AFG2A: variants seen among roughly 807,000 people sequenced by gnomAD.
The protein encoded by AFG2A is ATPase family gene 2 protein homolog A.
the AFG2A span, among the ~76,000 whole-genome samples, chr4:122,971,783 T>A: frequency 6.6e-6 from 1 of 152,170 alleles, no homozygotes; most frequent in Non-Finnish European, 1.5e-5. Context: ...ATTGAGATAG[T>A]CATATGAACT....
the AFG2A span, among the ~76,000 whole-genome samples, chr4:123,166,333 G>A: frequency 5.3e-5 from 8 of 152,136 alleles, no homozygotes; most frequent in African/African-American, 9.7e-5. Flanking sequence ...TCTTTCTCTC[G>A]TGCTTTATGC....
chr4:122,942,014 G>A, the AFG2A span, among the ~76,000 whole-genome samples: 1,087 of 152,038 alleles, frequency 7.1e-3, 13 homozygotes, highest in African/African-American at 0.021. Flanking sequence ...GCTTTTTGAT[G>A]TGCTGCTGGA....
chr4:123,102,544 T>G, the AFG2A span, among the ~76,000 whole-genome samples: 116 of 152,140 alleles, frequency 7.6e-4, no homozygotes, highest in Middle Eastern at 3.4e-3. Flanking sequence ...AAAATAATGT[T>G]GAGTTAGAAT....
chr4:122,993,001 T>TG, the AFG2A span, among the ~76,000 whole-genome samples: 1 of 148,892 alleles, frequency 6.7e-6, no homozygotes, highest in Non-Finnish European at 1.5e-5. Context: ...TGTATGTATA[T>TG]TAGAGATGGA....
the AFG2A span, among the ~76,000 whole-genome samples, chr4:123,233,508 A>G: frequency 6.6e-6 from 1 of 152,116 alleles, no homozygotes; most frequent in Admixed American, 6.6e-5. Flanking sequence ...AGGTGGAAGA[A>G]AAGTGGTTAT....
the AFG2A span, among the ~76,000 whole-genome samples, chr4:123,253,505 C>T: frequency 2.0e-5 from 3 of 148,794 alleles, no homozygotes; most frequent in African/African-American, 4.9e-5. Context: ...AAAAAAATAG[C>T]TGGGCATGGT....
the AFG2A span, among the ~76,000 whole-genome samples, chr4:123,141,363 T>C: frequency 3.9e-5 from 6 of 152,152 alleles, no homozygotes; most frequent in Non-Finnish European, 7.4e-5. Flanking sequence ...CTCAGGAGAC[T>C]GAGGCAGAAG....
chr4:122,992,748 G>T, the AFG2A span, among the ~76,000 whole-genome samples: 1 of 150,704 alleles, frequency 6.6e-6, no homozygotes, highest in Non-Finnish European at 1.5e-5. Flanking sequence ...AATTTTAGGA[G>T]ACCACAAGTG....
the AFG2A span, among the ~76,000 whole-genome samples, chr4:123,223,490 A>T: frequency 6.6e-6 from 1 of 152,236 alleles, no homozygotes; most frequent in Admixed American, 6.5e-5. Flanking sequence ...TATCCAGGAA[A>T]CATGGCTGGG....
chr4:122,961,088 G>T, the AFG2A span, among the ~76,000 whole-genome samples: 1 of 151,958 alleles, frequency 6.6e-6, no homozygotes, highest in African/African-American at 2.4e-5. Context: ...CAACCTCTTG[G>T]GTTTTATATC....
the AFG2A span, among the ~76,000 whole-genome samples, chr4:123,240,307 C>T: frequency 6.6e-6 from 1 of 152,156 alleles, no homozygotes; most frequent in Non-Finnish European, 1.5e-5. Flanking sequence ...AACTCTCCAC[C>T]CCAAATCAAC....
chr4:123,156,096 A>T, the AFG2A span, among the ~76,000 whole-genome samples: 8 of 152,292 alleles, frequency 5.3e-5, no homozygotes, highest in African/African-American at 1.9e-4. Context: ...TATAAATGTT[A>T]AACTCGTGTA....
chr4:123,265,189 C>T, the AFG2A span, among the ~76,000 whole-genome samples: 1 of 151,942 alleles, frequency 6.6e-6, no homozygotes, highest in African/African-American at 2.4e-5. Flanking sequence ...TTTTTTTACC[C>T]TGAGATCTTT....
At chr4:123,050,346 T>C in the AFG2A span, among the ~76,000 whole-genome samples, 1 of 147,278 alleles carries the variant, frequency 6.8e-6, no homozygotes, top group Non-Finnish European at 1.5e-5. Context: ...AACTCCAATG[T>C]TTGTTTGTTG....
the AFG2A span, among the ~76,000 whole-genome samples, chr4:123,105,584 C>T: frequency 6.6e-6 from 1 of 152,042 alleles, no homozygotes; most frequent in Admixed American, 6.6e-5. Context: ...CCATGAAGAT[C>T]ATTCATGATT....
At chr4:123,001,298 T>G in the AFG2A span, among the ~76,000 whole-genome samples, 1 of 152,250 alleles carries the variant, frequency 6.6e-6, no homozygotes, top group Non-Finnish European at 1.5e-5. Context: ...TGTGTGTCTA[T>G]TTCCTTCAGT....
the AFG2A span, among the ~76,000 whole-genome samples, chr4:123,075,769 C>A: frequency 6.6e-6 from 1 of 150,788 alleles, no homozygotes; most frequent in African/African-American, 2.4e-5. Context: ...ACCAGCCGGA[C>A]CAACATGGAG....
chr4:123,293,741 G>A, the AFG2A span, among the ~76,000 whole-genome samples: 1 of 152,180 alleles, frequency 6.6e-6, no homozygotes, highest in African/African-American at 2.4e-5. Context: ...ATCCACTCCT[G>A]TACTTGTGCT....
chr4:123,017,388 T>G, the AFG2A span, among the ~76,000 whole-genome samples: 1 of 147,960 alleles, frequency 6.8e-6, no homozygotes, highest in African/African-American at 2.5e-5. Context: ...TAAATCTTCA[T>G]AGAATGTGTC....
Sources: gnomAD v4.1 joint callset for allele counts (sites outside exome capture counted in the v4.1 genomes callset) on GRCh38, gnomAD v4.1.1 for gene constraint, MANE v1.5 for transcripts, NCBI Gene and HGNC (gene_info 2026-07-23, HGNC 2026-07-21) for gene names.